The following SUPT3H variants were observed in gnomAD, a reference collection of about 807,000 sequenced individuals.
SUPT3H encodes the protein transcription initiation protein SPT3 homolog.
In SUPT3H, 44 loss-of-function variants were observed where a neutral mutation model predicts 44.3. The observed-to-expected ratio is 0.99, with a 90% CI of 0.78 to 1.28. SUPT3H has a LOEUF of 1.28. Ranked by LOEUF, SUPT3H falls within the 50% of genes most tolerant of loss-of-function variation. SUPT3H has a pLI of 0.00. For missense variants in SUPT3H, 380 were observed against 387.1 expected, an observed-to-expected ratio of 0.98 and a Z score of 0.15; for synonymous variants, 124 against 125.6, an observed-to-expected ratio of 0.99 and a Z score of 0.09.
chr6:45,004,498 A>G (rs887775936), intron 5 of SUPT3H, among the ~76,000 whole-genome samples: 12 of 151,944 alleles, frequency 7.9e-5, no homozygotes, highest in African/African-American at 2.9e-4. Context: ...AGGTCCATAG[A>G]TCTTTTTCTT....
intron 10 of SUPT3H, among the ~76,000 whole-genome samples, chr6:44,852,729 T>C (rs1205494614): frequency 2.0e-5 from 3 of 152,248 alleles, no homozygotes; most frequent in African/African-American, 4.8e-5. Flanking sequence ...TTAAGTGTTT[T>C]ATTAAACAAA....
chr6:45,357,951 C>A (rs1179893172), intron 2 of SUPT3H, among the ~76,000 whole-genome samples: 1 of 151,932 alleles, frequency 6.6e-6, no homozygotes, highest in Non-Finnish European at 1.5e-5. Context: ...GAACACATTT[C>A]TTTATTATTC....
chr6:45,046,546 G>T (rs1230110441), intron 3 of SUPT3H, among the ~76,000 whole-genome samples: 1 of 152,122 alleles, frequency 6.6e-6, no homozygotes, highest in African/African-American at 2.4e-5. Context: ...GGCCAGGCTG[G>T]TCTCAAACTC....
chr6:45,074,684 G>A, intron 3 of SUPT3H, among the ~76,000 whole-genome samples: 1 of 152,006 alleles, frequency 6.6e-6, no homozygotes, highest in East Asian at 1.9e-4. Context: ...GTTGTGACTG[G>A]AAAGGAGAAC....
intron 6 of SUPT3H, among the ~76,000 whole-genome samples, chr6:44,970,770 G>C (rs1441416171): frequency 6.6e-6 from 1 of 151,958 alleles, no homozygotes; most frequent in Non-Finnish European, 1.5e-5. Context: ...GGTCATTTTG[G>C]GTAAAACTTT....
intron 2 of SUPT3H, among the ~76,000 whole-genome samples, chr6:45,267,658 T>C (rs563005965): frequency 2.0e-5 from 3 of 152,328 alleles, no homozygotes; most frequent in South Asian, 2.1e-4. Context: ...ACATCCAATA[T>C]ATTGCACTTA....
chr6:45,066,705 AT>A (rs1225503384), intron 3 of SUPT3H, among the ~76,000 whole-genome samples: 1 of 106,260 alleles, frequency 9.4e-6, no homozygotes, highest in Admixed American at 1.1e-4. Context: ...GTGAACACCC[AT>A]TCACAATTGC....
chr6:45,335,746 A>G (rs2150107143), intron 2 of SUPT3H, among the ~76,000 whole-genome samples: 1 of 151,428 alleles, frequency 6.6e-6, no homozygotes, highest in Admixed American at 6.6e-5. Flanking sequence ...GAAGTAATCT[A>G]TGAGAAAACT....
intron 2 of SUPT3H, chr6:45,197,551 A>T (rs1009743244): frequency 1.2e-5 from 3 of 258,000 alleles, no homozygotes; most frequent in Admixed American, 5.5e-5. Context: ...AAAACTAATT[A>T]AAAAATAAGA....
At chr6:44,919,562 T>A (rs1418028440) in intron 10 of SUPT3H, among the ~76,000 whole-genome samples, 2 of 152,030 alleles carry the variant, frequency 1.3e-5, no homozygotes, top group African/African-American at 2.4e-5. Flanking sequence ...AATCTTTAAA[T>A]TTAATGCAAG....
chr6:45,044,762 G>T (rs1789109161), intron 3 of SUPT3H, among the ~76,000 whole-genome samples: 1 of 152,100 alleles, frequency 6.6e-6, no homozygotes, highest in South Asian at 2.1e-4. Flanking sequence ...TCAACTCAAA[G>T]TGTTATCTTA....
chr6:44,957,419 C>T (rs180940654), intron 7 of SUPT3H, among the ~76,000 whole-genome samples: 307 of 152,148 alleles, frequency 2.0e-3, no homozygotes, highest in African/African-American at 6.6e-3. Flanking sequence ...TAGTATGCTG[C>T]GATAGCTCAC....
intron 6 of SUPT3H, among the ~76,000 whole-genome samples, chr6:44,972,610 C>T (rs1257476329): frequency 1.3e-5 from 2 of 152,226 alleles, no homozygotes; most frequent in African/African-American, 4.8e-5. Context: ...TCCAACCCCA[C>T]ATTTCCTTTC....
At chr6:45,043,461 A>G (rs1363302369) in intron 3 of SUPT3H, among the ~76,000 whole-genome samples, 1 of 152,202 alleles carries the variant, frequency 6.6e-6, no homozygotes, top group Non-Finnish European at 1.5e-5. Context: ...TAGTTTTAAC[A>G]CAGTCCTTTT....
chr6:45,273,177 C>T (rs957649191), intron 2 of SUPT3H, among the ~76,000 whole-genome samples: 6 of 152,310 alleles, frequency 3.9e-5, no homozygotes, highest in African/African-American at 1.2e-4. Context: ...ATTGAGATAT[C>T]TATGGTATTG....
intron 2 of SUPT3H, among the ~76,000 whole-genome samples, chr6:45,326,490 G>A (rs970293157): frequency 2.6e-5 from 4 of 151,806 alleles, no homozygotes; most frequent in Admixed American, 6.6e-5. Flanking sequence ...TTAAATGAAC[G>A]CTTTTACCTT....
At chr6:44,902,772 A>G (rs1023072111) in intron 10 of SUPT3H, among the ~76,000 whole-genome samples, 5 of 152,196 alleles carry the variant, frequency 3.3e-5, no homozygotes, top group Non-Finnish European at 5.9e-5. Context: ...TTGACCACAT[A>G]GTTGGAAGCA....
intron 10 of SUPT3H, among the ~76,000 whole-genome samples, chr6:44,876,504 G>C (rs1441549091): frequency 1.6e-5 from 2 of 124,288 alleles, no homozygotes; most frequent in Non-Finnish European, 3.4e-5. Context: ...GGACTGTGGT[G>C]GGGTCGGGGG....
At chr6:45,338,895 G>T (rs1171047140) in intron 2 of SUPT3H, among the ~76,000 whole-genome samples, 1 of 151,998 alleles carries the variant, frequency 6.6e-6, no homozygotes, top group Non-Finnish European at 1.5e-5. Flanking sequence ...TGTGCCCTAG[G>T]CACTTTGCTT....
Sources: allele counts gnomAD v4.1 joint callset (sites outside exome capture counted in the v4.1 genomes callset), GRCh38; gene constraint gnomAD v4.1.1; transcripts MANE v1.5; gene names NCBI Gene and HGNC (gene_info 2026-07-23, HGNC 2026-07-21).